CA6: variants seen among roughly 807,000 people sequenced by gnomAD.
The protein encoded by CA6 is carbonic anhydrase 6, also known as carbonate dehydratase VI.
Under a neutral mutation model 35.9 loss-of-function variants are expected in CA6, and 28 were observed. The ratio of observed to expected loss-of-function variants is 0.78; its 90% CI spans 0.58 to 1.07. The LOEUF (loss-of-function observed/expected upper bound fraction) is 1.07. Among genes scored for constraint, CA6 ranks in the 50% least tolerant of loss-of-function variants. The pLI is 0.00. For synonymous variants in CA6, 148 were observed against 152.6 expected, an observed-to-expected ratio of 0.97 and a Z score of 0.22; for missense variants, 377 against 382.0, an observed-to-expected ratio of 0.99 and a Z score of 0.11.
intron 2 of CA6, among the ~76,000 whole-genome samples, chr1:8,955,339 G>T (rs1639645987): frequency 6.6e-6 from 1 of 152,182 alleles, no homozygotes; most frequent in African/African-American, 2.4e-5. Flanking sequence ...TCATGCCACT[G>T]CACTCCAGGC....
At chr1:8,970,395 T>C (rs975384040) in intron 6 of CA6, among the ~76,000 whole-genome samples, 1 of 152,210 alleles carries the variant, frequency 6.6e-6, no homozygotes, top group Non-Finnish European at 1.5e-5. Flanking sequence ...AGATTAGTTC[T>C]GGAATAATGC....
At chr1:8,961,946 A>G (rs1639852169) in intron 4 of CA6, among the ~76,000 whole-genome samples, 1 of 152,168 alleles carries the variant, frequency 6.6e-6, no homozygotes. Flanking sequence ...CACTGCCCAA[A>G]ACAAGTGCAC....
At chr1:8,956,281 A>C (rs546839015) in intron 2 of CA6, among the ~76,000 whole-genome samples, 1 of 151,736 alleles carries the variant, frequency 6.6e-6, no homozygotes, top group African/African-American at 2.4e-5. Context: ...CCAACGCCGA[A>C]ATTATATCCT....
At chr1:8,966,380 G>T (rs1183103167) in intron 5 of CA6, among the ~76,000 whole-genome samples, 1 of 152,106 alleles carries the variant, frequency 6.6e-6, no homozygotes, top group Non-Finnish European at 1.5e-5. Context: ...AAAGTGCTGG[G>T]ATTACAGGTG....
intron 5 of CA6, among the ~76,000 whole-genome samples, chr1:8,964,271 T>G (rs1394259965): frequency 6.6e-6 from 1 of 152,106 alleles, no homozygotes; most frequent in African/African-American, 2.4e-5. Context: ...TTTTTGGAGA[T>G]GGAGTCTTGC....
intron 2 of CA6, among the ~76,000 whole-genome samples, chr1:8,952,888 C>A (rs527906180): frequency 6.6e-6 from 1 of 152,236 alleles, no homozygotes; most frequent in South Asian, 2.1e-4. Context: ...AACTCCTGAC[C>A]TCAAGTCATC....
At chr1:8,947,734 T>C (rs1303791951) in intron 1 of CA6, among the ~76,000 whole-genome samples, 5 of 152,082 alleles carry the variant, frequency 3.3e-5, no homozygotes, top group Non-Finnish European at 5.9e-5. Context: ...ACCTGAGAGA[T>C]GTTCCAGTAT....
At chr1:8,955,633 G>GCCCTTCCACGCCTCCTTTTAAGA (rs1639657674) in intron 2 of CA6, among the ~76,000 whole-genome samples, 3 of 149,022 alleles carry the variant, frequency 2.0e-5, no homozygotes, top group African/African-American at 7.7e-5. Context: ...TCCTTTTAAG[G>GCCCTTCCACGCCTCCTTTTAAGA]CCCTTCCACG....
At chr1:8,965,239 A>G (rs1418779859) in intron 5 of CA6, among the ~76,000 whole-genome samples, 1 of 152,038 alleles carries the variant, frequency 6.6e-6, no homozygotes, top group African/African-American at 2.4e-5. Flanking sequence ...GCGCAACAAC[A>G]TCTCAAACAA....
chr1:8,958,092 G>C (rs1447912347), intron 3 of CA6, among the ~76,000 whole-genome samples: 1 of 152,184 alleles, frequency 6.6e-6, no homozygotes, highest in African/African-American at 2.4e-5. Flanking sequence ...ACAGGACTCA[G>C]GTTGGCAGGA....
At chr1:8,949,512 C>A in intron 2 of CA6, 70 bp downstream of exon 2, 1 of 1,327,396 alleles carries the variant, frequency 7.5e-7, no homozygotes, top group Non-Finnish European at 1.1e-6. Context: ...TTACACGTGT[C>A]CCTGCCAGGA....
intron 7 of CA6, among the ~76,000 whole-genome samples, chr1:8,971,757 G>A (rs78406750): frequency 0.044 from 6,672 of 152,260 alleles, 329 homozygotes; most frequent in African/African-American, 0.11. Context: ...TGCCTGGGGC[G>A]CAGGCCCCAG....
At chr1:8,949,865 T>C (rs1312271233) in intron 2 of CA6, among the ~76,000 whole-genome samples, 1 of 151,902 alleles carries the variant, frequency 6.6e-6, no homozygotes, top group Non-Finnish European at 1.5e-5. Flanking sequence ...TTTCTCAGAG[T>C]TTTAAGAAGA....
intron 1 of CA6, among the ~76,000 whole-genome samples, chr1:8,947,434 T>G (rs1407213908): frequency 6.6e-6 from 1 of 152,080 alleles, no homozygotes; most frequent in Non-Finnish European, 1.5e-5. Context: ...GGCAACGGAA[T>G]TAGGGACATC....
chr1:8,973,092 T>C (rs1040535653), intron 7 of CA6, among the ~76,000 whole-genome samples: 13 of 152,130 alleles, frequency 8.5e-5, no homozygotes, highest in Admixed American at 6.5e-4. Context: ...TCTCATGGGC[T>C]CACTGCAACC....
Position 8,949,570 on chromosome 1 carries a change from G to A in CA6, c.259+128G>A, listed in dbSNP as rs74050961. 5,791 of 753,140 alleles carry A rather than the reference G, an allele frequency of 7.7e-3. 283 individuals are homozygous for A. In the African/African-American group the frequency reaches 0.093, roughly 12 times the overall value. The allele number at this position is 753,140 out of a possible 1,614,324, so 46.7% of individuals were successfully genotyped here. A position where few individuals can be genotyped will look rare whatever the true frequency, so the allele number is the denominator to read the frequency against. Reference sequence around the variant, plus strand: ...GCACGGCCTCAGAGCTGGAGGCCTCGAACATGAGGGTCGAACATGAGGGCT... The same window carrying A: ...GCACGGCCTCAGAGCTGGAGGCCTCAAACATGAGGGTCGAACATGAGGGCT... On this transcript the variant is annotated intron_variant, in intron 2 of 7. Transcript: ENST00000377443.
At chr1:8,965,230 C>T (rs1028879955) in intron 5 of CA6, among the ~76,000 whole-genome samples, 2 of 151,892 alleles carry the variant, frequency 1.3e-5, no homozygotes, top group African/African-American at 4.8e-5. Context: ...GACGACAGAG[C>T]GCAACAACAT....
In CA6 at chr1:8,970,928, G is replaced by T. The variant is rs1319727216; in HGVS notation, c.791G>T (p.Arg264Leu). 5 of 1,614,000 alleles carry T rather than the reference G, an allele frequency of 3.1e-6. No individual in the cohort carries two copies. In the Admixed American group the frequency reaches 6.7e-5, roughly 22 times the overall value. ...AACAAGACCATCCACAACGATTACC[G>T]CAGGACCCAGCCCCTGAACCACAGA... ...HRNKTIHNDY[R>L]RTQPLNHRVV... is the part of the protein sequence containing the mutation. The change falls in exon 7 of 8, where the codon CGC (arginine) becomes CTC (leucine). Residue 264 changes from arginine (R) to leucine (L), a missense_variant. Arg to Leu is a moderately radical substitution (Grantham distance 102, BLOSUM62 -2). Coordinates refer to ENST00000377443, the MANE Select transcript of CA6 (RefSeq NM_001215.4).
chr1:8,962,680 C>A (rs1184334241), intron 5 of CA6, 24 bp downstream of exon 5: 5 of 1,596,432 alleles, frequency 3.1e-6, no homozygotes, highest in Non-Finnish European at 4.3e-6. Flanking sequence ...ACTGTGGCTG[C>A]AGGAGGGAAG....
Sources: allele counts gnomAD v4.1 joint callset (sites outside exome capture counted in the v4.1 genomes callset), GRCh38; gene constraint gnomAD v4.1.1; transcripts MANE v1.5; gene names NCBI Gene and HGNC (gene_info 2026-07-23, HGNC 2026-07-21).